The following RORB variants were observed in gnomAD, a reference collection of about 807,000 sequenced individuals.
RORB encodes RAR related orphan receptor B.
RORB carries 6 observed loss-of-function variants against 59.1 expected under a neutral mutation model. The observed-to-expected ratio is 0.10, with a 90% CI of 0.06 to 0.20. RORB has a LOEUF of 0.20. Ranked by LOEUF, RORB falls within the 10% of genes least tolerant of loss-of-function variation. The probability of loss-of-function intolerance (pLI) is 1.00; values close to 1 mark genes in which losing one functional copy is unlikely to be tolerated. For synonymous variants in RORB, 215 were observed against 204.5 expected, an observed-to-expected ratio of 1.05 and a Z score of -0.44; for missense variants, 320 against 560.5, an observed-to-expected ratio of 0.57 and a Z score of 4.33.
chr9:74,644,251 A>T (rs1823858748), intron 4 of RORB, among the ~76,000 whole-genome samples: 1 of 152,232 alleles, frequency 6.6e-6, no homozygotes, highest in Non-Finnish European at 1.5e-5. Context: ...ACAGTGAGTA[A>T]CATTGTTGAC....
chr9:74,565,501 T>G (rs1822456256), intron 1 of RORB, among the ~76,000 whole-genome samples: 1 of 152,208 alleles, frequency 6.6e-6, no homozygotes, highest in Non-Finnish European at 1.5e-5. Context: ...ATCAAAATTT[T>G]CATAAGCATT....
chr9:74,668,401 G>A (rs1400459837), intron 8 of RORB, among the ~76,000 whole-genome samples: 3 of 152,112 alleles, frequency 2.0e-5, no homozygotes, highest in African/African-American at 7.2e-5. Context: ...AAATGCTGGT[G>A]CCTATTTTCT....
intron 2 of RORB, among the ~76,000 whole-genome samples, chr9:74,634,406 T>A (rs1358375499): frequency 2.6e-5 from 4 of 152,214 alleles, no homozygotes; most frequent in African/African-American, 9.6e-5. Flanking sequence ...AAGGAATGAA[T>A]GAATGAATGA....
intron 2 of RORB, among the ~76,000 whole-genome samples, chr9:74,633,107 C>A (rs1823646413): frequency 6.6e-6 from 1 of 152,188 alleles, no homozygotes; most frequent in African/African-American, 2.4e-5. Flanking sequence ...CAGTGCCACG[C>A]TGAGCCATAT....
In RORB at chr9:74,686,141, C is replaced by T. The variant is rs903647262; in HGVS notation, c.*523C>T. 6.6e-6 allele frequency: 1 copy of T among 152,552 alleles called. No individual in the cohort carries two copies. Among genetic ancestry groups the T allele is most frequent in the African/African-American group, 2.4e-5 (1 of 41,418 alleles). The allele number at this position is 152,552 out of a possible 1,614,324, so 9.4% of individuals were successfully genotyped here. A position where few individuals can be genotyped will look rare whatever the true frequency, so the allele number is the denominator to read the frequency against. On this transcript the variant is annotated 3_prime_UTR_variant, in exon 10 of 10. Transcript: ENST00000376896. ...TATATATGACTATTACTTATACATG[C>T]ACATGCACTGTGGCTTAAATACCAT...
intron 1 of RORB, among the ~76,000 whole-genome samples, chr9:74,584,716 T>C (rs1029555653): frequency 1.3e-5 from 2 of 152,138 alleles, no homozygotes. Flanking sequence ...TTGAAGTCAT[T>C]GTTTGTTGGT....
chr9:74,543,328 A>G (rs375868681), intron 1 of RORB, among the ~76,000 whole-genome samples: 36 of 152,344 alleles, frequency 2.4e-4, no homozygotes, highest in African/African-American at 8.4e-4. Flanking sequence ...GACGGTGTGG[A>G]ACACCCCTTT....
At chr9:74,552,481 A>G (rs907710447) in intron 1 of RORB, among the ~76,000 whole-genome samples, 49 of 152,226 alleles carry the variant, frequency 3.2e-4, no homozygotes, top group African/African-American at 1.1e-3. Flanking sequence ...CTACATCTTA[A>G]GAGTGTTATG....
chr9:74,500,718 C>T (rs1206457806), intron 1 of RORB, among the ~76,000 whole-genome samples: 1 of 152,144 alleles, frequency 6.6e-6, no homozygotes, highest in African/African-American at 2.4e-5. Context: ...TACTCCTCCC[C>T]CGCCTAGGGC....
intron 1 of RORB, among the ~76,000 whole-genome samples, chr9:74,609,187 T>C (rs1027411911): frequency 6.6e-6 from 1 of 152,224 alleles, no homozygotes; most frequent in African/African-American, 2.4e-5. Context: ...GATTCAATTC[T>C]CGTAACAAAT....
At chr9:74,581,242 C>CA (rs1010647474) in intron 1 of RORB, among the ~76,000 whole-genome samples, 4 of 151,736 alleles carry the variant, frequency 2.6e-5, no homozygotes, top group South Asian at 2.1e-4. Context: ...TCTCAGAGAC[C>CA]AAAAAAATGC....
intron 1 of RORB, among the ~76,000 whole-genome samples, chr9:74,591,184 G>A (rs1822885914): frequency 6.6e-6 from 1 of 152,190 alleles, no homozygotes. Flanking sequence ...GCATTAGAAA[G>A]CACTAAAATT....
intron 1 of RORB, among the ~76,000 whole-genome samples, chr9:74,603,687 T>C (rs1823103955): frequency 6.6e-6 from 1 of 152,218 alleles, no homozygotes; most frequent in Non-Finnish European, 1.5e-5. Context: ...TACTAGGAGT[T>C]ATTAAAATGT....
At chr9:74,676,779 G>A (rs921759303) in intron 9 of RORB, among the ~76,000 whole-genome samples, 2 of 152,130 alleles carry the variant, frequency 1.3e-5, no homozygotes, top group Admixed American at 6.5e-5. Context: ...CTCTTTTCCC[G>A]TTATTCTTCC....
chr9:74,497,693 G>T lies in RORB; in HGVS notation c.-284G>T, dbSNP rs1013175692. On this transcript the variant is annotated 5_prime_UTR_variant, in exon 1 of 10. Coordinates refer to ENST00000376896, the MANE Select transcript of RORB (RefSeq NM_006914.4). ...AAAACAAAACCAAAACAAAACCCAGGCACCAGACAGCCAGAACATTTTTTT... is the reference window on the plus strand; with the variant it reads ...AAAACAAAACCAAAACAAAACCCAGTCACCAGACAGCCAGAACATTTTTTT... 5 of 497,104 alleles carry T rather than the reference G, an allele frequency of 1.0e-5. No individual in the cohort carries two copies. Among genetic ancestry groups the T allele is most frequent in the African/African-American group, 1.9e-5 (1 of 52,148 alleles). The allele number at this position is 497,104 out of a possible 1,614,324, so 30.8% of individuals were successfully genotyped here.
chr9:74,663,407 G>A (rs1476938968), intron 6 of RORB, among the ~76,000 whole-genome samples: 2 of 152,120 alleles, frequency 1.3e-5, no homozygotes, highest in Non-Finnish European at 2.9e-5. Context: ...GAAGTGAAGA[G>A]CTACATTCAA....
chr9:74,657,831 C>G (rs1048302855), intron 4 of RORB, among the ~76,000 whole-genome samples: 1 of 151,692 alleles, frequency 6.6e-6, no homozygotes, highest in Non-Finnish European at 1.5e-5. Context: ...GTGAGGAAAC[C>G]CTGTCTCTAC....
At position 74,497,953 on chromosome 9, in the gene RORB, G is replaced by C. The variant is rs1587326058; in HGVS notation, c.-24G>C. 2 of 1,611,752 alleles carry C rather than the reference G, an allele frequency of 1.2e-6. No homozygotes were observed. The highest frequency in any genetic ancestry group is 4.5e-5 in the East Asian group (2 of 44,812). On this transcript the variant is annotated 5_prime_UTR_variant, in exon 1 of 10. Coordinates refer to ENST00000376896, the MANE Select transcript of RORB (RefSeq NM_006914.4). ...GGGCTGGGAGCAGCTTCATGACTACGCGGAGCGGGAGAGCGGCCACACCAT... is the reference window on the plus strand; with the variant it reads ...GGGCTGGGAGCAGCTTCATGACTACCCGGAGCGGGAGAGCGGCCACACCAT...
chr9:74,572,662 G>T (rs1296304367), intron 1 of RORB, among the ~76,000 whole-genome samples: 1 of 152,092 alleles, frequency 6.6e-6, no homozygotes, highest in Non-Finnish European at 1.5e-5. Context: ...CCGGTAAGGA[G>T]AACCCCTTGG....
Sources: allele counts gnomAD v4.1 joint callset (sites outside exome capture counted in the v4.1 genomes callset), GRCh38; gene constraint gnomAD v4.1.1; transcripts MANE v1.5; gene names NCBI Gene and HGNC (gene_info 2026-07-23, HGNC 2026-07-21).